Variants in MAPK4 observed in about 807,000 individuals in gnomAD.
MAPK4 encodes the protein mitogen-activated protein kinase 4, also known as Erk3-related.
MAPK4 carries 22 observed loss-of-function variants against 47.7 expected under a neutral mutation model. The observed-to-expected ratio is 0.46, with a 90% CI of 0.33 to 0.66. The LOEUF (loss-of-function observed/expected upper bound fraction) is 0.66. MAPK4 is among the 30% of genes least tolerant of loss of function. The pLI, the probability that MAPK4 is intolerant of heterozygous loss-of-function variation, is 0.02. For missense variants in MAPK4, 736 were observed against 831.7 expected (o/e 0.88, Z 1.42); for synonymous variants, 390 against 365.7 (o/e 1.07, Z -0.76).
intron 2 of MAPK4, among the ~76,000 whole-genome samples, chr18:50,673,334 G>C (rs1222966091): frequency 6.6e-6 from 1 of 152,176 alleles, no homozygotes; most frequent in African/African-American, 2.4e-5. Flanking sequence ...CGGAAGCCCA[G>C]CCTGCTCACT....
At chr18:50,570,946 G>A (rs900627577) in intron 1 of MAPK4, among the ~76,000 whole-genome samples, 9 of 152,240 alleles carry the variant, frequency 5.9e-5, no homozygotes, top group African/African-American at 2.2e-4. Context: ...GGTGGTGGCG[G>A]CTTTTATTTT....
chr18:50,560,622 C>G (rs1467556792), intron 1 of MAPK4: 2 of 152,662 alleles, frequency 1.3e-5, no homozygotes, highest in South Asian at 2.1e-4. Flanking sequence ...TTGGGGTCGC[C>G]GAGGGGCAGT....
intron 3 of MAPK4, 106 bp from the exon 4 acceptor site, chr18:50,721,832 C>T: frequency 9.2e-7 from 1 of 1,088,758 alleles, no homozygotes; most frequent in Non-Finnish European, 1.3e-6. Flanking sequence ...AGTGCTGCCC[C>T]ACTGCCCTGT....
At chr18:50,635,736 G>A (rs915575118) in intron 1 of MAPK4, among the ~76,000 whole-genome samples, 1 of 152,116 alleles carries the variant, frequency 6.6e-6, no homozygotes, top group South Asian at 2.1e-4. Flanking sequence ...ATTCAACAAG[G>A]CCCCTGCAGT....
At position 50,664,342 on chromosome 18, in the gene MAPK4, G is replaced by A; in HGVS notation, c.384G>A (p.Leu128=). 1.2e-6 allele frequency: 2 copies of A among 1,613,906 alleles called. No homozygotes were observed. Among genetic ancestry groups the A allele is most frequent in the Non-Finnish European group, 1.7e-6 (2 of 1,180,040 alleles). ...QGTLAEEHAK[L]FMYQLLRGLK... ...CGCTGGCAGAAGAGCATGCCAAGCT[G>A]TTCATGTACCAGCTGCTCCGCGGGC... is the stretch of plus-strand genomic sequence containing the variant. Residue 128 remains leucine, a synonymous_variant, in exon 2 of 6, where the codon CTG becomes CTA. Transcript: ENST00000400384. This position sits in a 1 kb window ranked among gnomAD's most constrained non-coding sequence, Gnocchi z 6.0.
At chr18:50,564,761 A>G (rs947886328) in intron 1 of MAPK4, among the ~76,000 whole-genome samples, 1 of 152,216 alleles carries the variant, frequency 6.6e-6, no homozygotes, top group African/African-American at 2.4e-5. Context: ...ATATACCACA[A>G]CTGTGGGTAG....
chr18:50,627,910 G>A (rs1335478308), intron 1 of MAPK4, among the ~76,000 whole-genome samples: 1 of 152,214 alleles, frequency 6.6e-6, no homozygotes, highest in East Asian at 1.9e-4. Context: ...TCTCATGTGA[G>A]TCCACAGGGC....
In MAPK4 at chr18:50,715,366, G is replaced by T. The variant is rs1255417656; in HGVS notation, c.691+143G>T. On this transcript the variant is annotated intron_variant, in intron 3 of 5. Transcript: ENST00000400384. ...GTGGCTTTTATGACACTATTTGGAG[G>T]CACCTTATTATATTGTCAGGCAAAA... 4 of 1,016,186 alleles carry T rather than the reference G, an allele frequency of 3.9e-6. No individual in the cohort carries two copies. The Admixed American group carries it at 1.3e-4, about 32-fold the overall frequency. The allele number at this position is 1,016,186 out of a possible 1,614,324, so 62.9% of individuals were successfully genotyped here.
chr18:50,697,115 T>G (rs1057433569), intron 2 of MAPK4, among the ~76,000 whole-genome samples: 21 of 151,942 alleles, frequency 1.4e-4, no homozygotes, highest in African/African-American at 5.1e-4. Flanking sequence ...CAGCAATGAG[T>G]TTTAGCAGAC....
chr18:50,691,412 A>G (rs1471587592), intron 2 of MAPK4, among the ~76,000 whole-genome samples: 1 of 152,108 alleles, frequency 6.6e-6, no homozygotes, highest in Non-Finnish European at 1.5e-5. Context: ...AAGAGGTGGG[A>G]ACAAGAGTCT....
intron 1 of MAPK4, among the ~76,000 whole-genome samples, chr18:50,640,624 T>C (rs3966890): frequency 0.98 from 148,717 of 152,190 alleles, 72,671 homozygotes; most frequent in East Asian, 1. Context: ...CGCCACCACG[T>C]CTGGCTAATT....
chr18:50,699,743 T>G (rs1040608395), intron 2 of MAPK4, among the ~76,000 whole-genome samples: 12 of 152,190 alleles, frequency 7.9e-5, no homozygotes, highest in African/African-American at 2.9e-4. Flanking sequence ...GAGCTACAAA[T>G]TTGGAGATTC....
chr18:50,702,241 A>G (rs1239552039), intron 2 of MAPK4, among the ~76,000 whole-genome samples: 1 of 151,680 alleles, frequency 6.6e-6, no homozygotes, highest in Non-Finnish European at 1.5e-5. Context: ...CTTTTTAACT[A>G]CCTAACTTTC....
At chr18:50,648,649 T>C (rs534724709) in intron 1 of MAPK4, among the ~76,000 whole-genome samples, 79 of 152,272 alleles carry the variant, frequency 5.2e-4, no homozygotes, top group Non-Finnish European at 6.6e-4. Flanking sequence ...ACCCAGCTGC[T>C]GCAGGGGACA....
intron 2 of MAPK4, among the ~76,000 whole-genome samples, chr18:50,675,579 C>T (rs751035630): frequency 4.1e-4 from 63 of 152,206 alleles, no homozygotes; most frequent in Admixed American, 2.6e-4. Flanking sequence ...GCAACCTCCA[C>T]CTCCTGGGTT....
chr18:50,638,583 C>T (rs993753445), intron 1 of MAPK4, among the ~76,000 whole-genome samples: 4 of 152,212 alleles, frequency 2.6e-5, no homozygotes, highest in African/African-American at 7.2e-5. Flanking sequence ...TAGAGGTGAA[C>T]GACCCAAGAG....
At chr18:50,680,698 A>G (rs919034335) in intron 2 of MAPK4, among the ~76,000 whole-genome samples, 1 of 152,100 alleles carries the variant, frequency 6.6e-6, no homozygotes, top group African/African-American at 2.4e-5. Flanking sequence ...GTCCTTTGTG[A>G]CTTCTTTCAC....
At chr18:50,687,777 C>T (rs2144336583) in intron 2 of MAPK4, among the ~76,000 whole-genome samples, 2 of 152,296 alleles carry the variant, frequency 1.3e-5, no homozygotes, top group Admixed American at 1.3e-4. Flanking sequence ...CCTTCTGGGC[C>T]ACGTGTCTGC....
At chr18:50,701,023 T>A (rs929311210) in intron 2 of MAPK4, among the ~76,000 whole-genome samples, 1 of 152,144 alleles carries the variant, frequency 6.6e-6, no homozygotes, top group African/African-American at 2.4e-5. Context: ...CTCTAAGGAA[T>A]ACCAGGGACC....
Sources: allele counts gnomAD v4.1 joint callset (sites outside exome capture counted in the v4.1 genomes callset), GRCh38; gene constraint gnomAD v4.1.1; non-coding constraint Gnocchi (gnomAD v3.1); transcripts MANE v1.5; gene names NCBI Gene and HGNC (gene_info 2026-07-23, HGNC 2026-07-21).